Variants in SMIM35 observed in about 807,000 individuals in gnomAD.
SMIM35 encodes small integral membrane protein 35, also known as TMPRSS4 antisense RNA 1 (non-protein coding).
chr11:118,065,935 G>A (rs1944467531), intron 1 of SMIM35, among the ~76,000 whole-genome samples: 1 of 152,174 alleles, frequency 6.6e-6, no homozygotes, highest in African/African-American at 2.4e-5. Context: ...CCAGTGACCA[G>A]GCTAGAATCA....
intron 1 of SMIM35, among the ~76,000 whole-genome samples, chr11:118,048,537 A>AGAAG (rs59910847): frequency 0.026 from 3,245 of 122,666 alleles, 67 homozygotes; most frequent in Admixed American, 0.042. Context: ...GAAGAAAGAA[A>AGAAG]GAAGGAAGGA....
intron 1 of SMIM35, among the ~76,000 whole-genome samples, chr11:118,080,282 A>G (rs1305148275): frequency 6.6e-6 from 1 of 152,218 alleles, no homozygotes; most frequent in Admixed American, 6.5e-5. Context: ...CTCTCCAGGC[A>G]GGGAAAGCAG....
At position 118,014,429 on chromosome 11, in the gene SMIM35, G is replaced by A. The variant is rs200225430; in HGVS notation, c.158+279C>T. ...GGATGGATGGATGGATGGATGGATG[G>A]ATGAATGGATGGATGGATGGGTGGA... On this transcript the variant is annotated intron_variant, in intron 3 of 4. Coordinates refer to ENST00000689828, the MANE Select transcript of SMIM35 (RefSeq NM_001394165.1). Among the ~76,000 whole-genome samples the A allele has an allele frequency of 7.0e-3, 930 of 133,760 alleles. 6 individuals are homozygous for A. The highest frequency in any genetic ancestry group is 0.024 in the African/African-American group (897 of 37,640). 87.8% of individuals were successfully genotyped at this position (133,760 alleles called of 152,430 possible). A position where few individuals can be genotyped will look rare whatever the true frequency, so the allele number is the denominator to read the frequency against.
chr11:118,079,096 C>G (rs991493850), intron 1 of SMIM35, among the ~76,000 whole-genome samples: 2 of 152,038 alleles, frequency 1.3e-5, no homozygotes, highest in Non-Finnish European at 2.9e-5. Context: ...GGGGTCAGGT[C>G]AGGCCTGGGG....
chr11:118,051,268 C>CACTCAGGCACACAGCTT lies in SMIM35; in HGVS notation c.7+35466_8-35460dup, dbSNP rs1166274853. Among the ~76,000 whole-genome samples, 7 of 152,312 alleles carry CACTCAGGCACACAGCTT rather than the reference C, an allele frequency of 4.6e-5. No individual in the cohort carries two copies. In the East Asian group the frequency reaches 1.3e-3, roughly 29 times the overall value. Reference sequence around the variant, plus strand: ...TCCTGAAACAGATGGGAGTTTCTCACACTCAGGCACACAGCTTGCTCACCC... The same window carrying CACTCAGGCACACAGCTT: ...TCCTGAAACAGATGGGAGTTTCTCACACTCAGGCACACAGCTTACTCAGGCACACAGCTTGCTCACCC... On this transcript the variant is annotated intron_variant, in intron 1 of 4. Transcript: ENST00000689828.
chr11:118,007,358 C>T (rs1193641312), intron 4 of SMIM35, among the ~76,000 whole-genome samples: 1 of 152,214 alleles, frequency 6.6e-6, no homozygotes, highest in East Asian at 1.9e-4. Context: ...TTGCGCTCAC[C>T]AGCTACAAGG....
At chr11:118,021,053 T>TTTTTTTTTTGTTTTTG (rs202082772) in intron 1 of SMIM35, among the ~76,000 whole-genome samples, 4,500 of 150,162 alleles carry the variant, frequency 0.03, 83 homozygotes, top group Non-Finnish European at 0.048. Context: ...TAAGGTTTTT[T>TTTTTTTTTTGTTTTTG]TTTTTACTAT....
intron 1 of SMIM35, among the ~76,000 whole-genome samples, chr11:118,055,878 A>G (rs676812): frequency 0.77 from 116,337 of 151,830 alleles, 44,698 homozygotes; most frequent in Admixed American, 0.8. Flanking sequence ...AGAGGTAAAC[A>G]TGGGGGCTTG....
chr11:118,050,365 C>T (rs1019791789), intron 1 of SMIM35, among the ~76,000 whole-genome samples: 2 of 152,226 alleles, frequency 1.3e-5, no homozygotes, highest in Non-Finnish European at 2.9e-5. Flanking sequence ...GGAACCTAGG[C>T]CAAGGCCCCT....
At chr11:118,019,510 G>A (rs867993432) in intron 1 of SMIM35, among the ~76,000 whole-genome samples, 1 of 152,192 alleles carries the variant, frequency 6.6e-6, no homozygotes, top group South Asian at 2.1e-4. Context: ...ACAGAGACAA[G>A]GACTCTCAGA....
rs144943793 is a variant in SMIM35 at position 118,045,377 on chromosome 11, G to A, written c.8-29568C>T. Among the ~76,000 whole-genome samples, 661 of 121,490 alleles carry A rather than the reference G, an allele frequency of 5.4e-3. 3 individuals carry two copies. Among genetic ancestry groups the A allele is most frequent in the African/African-American group, 0.018 (624 of 35,148 alleles). The allele number at this position is 121,490 out of a possible 152,430, so 79.7% of individuals were successfully genotyped here. ...ACACACACACTAGAGAGAGAGAAAG[G>A]CTGTCACCAAGTTGCGGTTCTCCCT... On this transcript the variant is annotated intron_variant, in intron 1 of 4. Transcript: ENST00000689828.
chr11:118,016,375 T>C (rs1173716711), intron 1 of SMIM35, among the ~76,000 whole-genome samples: 2 of 151,884 alleles, frequency 1.3e-5, no homozygotes, highest in African/African-American at 2.4e-5. Flanking sequence ...GAGAGAGAGG[T>C]TGGAAACCTG....
intron 1 of SMIM35, among the ~76,000 whole-genome samples, chr11:118,060,637 C>T (rs887253598): frequency 2.6e-5 from 4 of 152,086 alleles, no homozygotes; most frequent in Admixed American, 6.5e-5. Flanking sequence ...TCTGGACCCC[C>T]GGGGGTCTGG....
At chr11:118,076,832 A>G (rs1232336787) in intron 1 of SMIM35, among the ~76,000 whole-genome samples, 2 of 151,834 alleles carry the variant, frequency 1.3e-5, no homozygotes, top group Non-Finnish European at 2.9e-5. Flanking sequence ...AGGTAGGGGG[A>G]GGGGGGGCGG....
chr11:118,039,377 A>G (rs2509736), intron 1 of SMIM35, among the ~76,000 whole-genome samples: 4,792 of 152,226 alleles, frequency 0.031, 222 homozygotes, highest in African/African-American at 0.1. Context: ...TCCCTGGCCC[A>G]GGAGTTCTGT....
At chr11:118,010,584 A>T (rs1207353389) in intron 4 of SMIM35, among the ~76,000 whole-genome samples, 1 of 152,220 alleles carries the variant, frequency 6.6e-6, no homozygotes, top group East Asian at 1.9e-4. Context: ...CAAATGGAGG[A>T]AATGTGGCCA....
chr11:118,058,882 C>T (rs1944355537), intron 1 of SMIM35, among the ~76,000 whole-genome samples: 1 of 152,222 alleles, frequency 6.6e-6, no homozygotes, highest in Admixed American at 6.5e-5. Flanking sequence ...GCTTCTGAGG[C>T]TTTGCTGGTA....
chr11:118,014,866 G>A (rs1021661974), intron 2 of SMIM35, 125 bp from the exon 3 acceptor site: 3 of 396,736 alleles, frequency 7.6e-6, no homozygotes, highest in Non-Finnish European at 1.3e-5. Context: ...CTGGACCTCA[G>A]GATGGTGTGG....
At chr11:118,015,060 C>T (rs2058172500) in intron 2 of SMIM35, among the ~76,000 whole-genome samples, 2 of 152,216 alleles carry the variant, frequency 1.3e-5, no homozygotes, top group Admixed American at 6.5e-5. Flanking sequence ...ATAATGTCTT[C>T]CTCATGTGGA....
Sources: allele counts gnomAD v4.1 joint callset (sites outside exome capture counted in the v4.1 genomes callset), GRCh38; gene constraint gnomAD v4.1.1; transcripts MANE v1.5; gene names NCBI Gene and HGNC (gene_info 2026-07-23, HGNC 2026-07-21).